The following GRID2 variants were observed in gnomAD, a reference collection of about 807,000 sequenced individuals.
GRID2 encodes the protein glutamate receptor ionotropic, delta-2.
A neutral mutation model predicts 114.8 loss-of-function variants in GRID2; 33 were observed. The observed-to-expected ratio is 0.29, with a 90% CI of 0.22 to 0.38. The LOEUF is 0.38. Ranked by LOEUF, GRID2 falls within the 10% of genes least tolerant of loss-of-function variation. GRID2 has a pLI of 1.00. For missense variants in GRID2, 1,184 were observed against 1,257.7 expected, an observed-to-expected ratio of 0.94 and a Z score of 0.89; for synonymous variants, 505 against 449.9, an observed-to-expected ratio of 1.12 and a Z score of -1.55.
At chr4:92,942,206 G>A (rs1400490815) in intron 2 of GRID2, among the ~76,000 whole-genome samples, 1 of 152,152 alleles carries the variant, frequency 6.6e-6, no homozygotes, top group East Asian at 1.9e-4. Flanking sequence ...TGGAGTCTAA[G>A]TCTCTTTGTA....
At chr4:92,781,660 TG>T (rs1739083708) in intron 2 of GRID2, among the ~76,000 whole-genome samples, 1 of 152,090 alleles carries the variant, frequency 6.6e-6, no homozygotes. Context: ...TATTTATTAC[TG>T]GGATTTTGTT....
chr4:93,459,159 G>C (rs1380592908), intron 11 of GRID2, among the ~76,000 whole-genome samples: 1 of 94,736 alleles, frequency 1.1e-5, no homozygotes, highest in Middle Eastern at 0.011. Context: ...CAGCCGGGAT[G>C]ACAAGAGTGA....
intron 2 of GRID2, among the ~76,000 whole-genome samples, chr4:93,019,832 C>T (rs1723111085): frequency 6.6e-6 from 1 of 152,118 alleles, no homozygotes; most frequent in South Asian, 2.1e-4. Flanking sequence ...ATTGTATGAT[C>T]GTATCAAAGT....
At chr4:93,231,827 C>G (rs1286628636) in intron 7 of GRID2, among the ~76,000 whole-genome samples, 1 of 152,152 alleles carries the variant, frequency 6.6e-6, no homozygotes. Flanking sequence ...CAAGTGCTCT[C>G]TCAGTAGCAC....
intron 2 of GRID2, among the ~76,000 whole-genome samples, chr4:92,927,625 ACTAT>A (rs766607236): frequency 6.6e-6 from 1 of 151,826 alleles, no homozygotes; most frequent in Non-Finnish European, 1.5e-5. Flanking sequence ...AGTGAGAATC[ACTAT>A]CTATATCTTC....
intron 2 of GRID2, among the ~76,000 whole-genome samples, chr4:92,674,841 T>TG (rs377674497): frequency 1.2e-4 from 18 of 152,342 alleles, no homozygotes; most frequent in African/African-American, 4.3e-4. Flanking sequence ...TGTTTATTTT[T>TG]TATTGTAAAT....
chr4:93,799,046 C>T (rs1053904404), intron 1 of GRID2, among the ~76,000 whole-genome samples: 1 of 152,188 alleles, frequency 6.6e-6, no homozygotes, highest in Non-Finnish European at 1.5e-5. Context: ...CACTGCTTAG[C>T]GGTCTGATCT....
chr4:93,013,319 T>G (rs751129668), intron 2 of GRID2, among the ~76,000 whole-genome samples: 15 of 152,020 alleles, frequency 9.9e-5, no homozygotes, highest in Non-Finnish European at 1.6e-4. Context: ...TCTGTATTTA[T>G]TGAGGATAAC....
chr4:93,560,222 TAAAAAAAAAAAAAAAA>T (rs70942974), intron 13 of GRID2, among the ~76,000 whole-genome samples: 10 of 42,954 alleles, frequency 2.3e-4, no homozygotes, highest in East Asian at 1.5e-3. Context: ...GAACTTAAAG[TAAAAAAAAAAAAAAAA>T]AAAAAAAAAA....
chr4:92,368,444 A>G (rs1012739183), intron 1 of GRID2, among the ~76,000 whole-genome samples: 1 of 152,132 alleles, frequency 6.6e-6, no homozygotes, highest in East Asian at 1.9e-4. Flanking sequence ...TGTAATATTG[A>G]CAATTAATGG....
In GRID2 at chr4:93,245,153, A is replaced by G. The variant is rs191232056; in HGVS notation, c.1245+6663A>G. 1.2e-3 allele frequency among the ~76,000 whole-genome samples: 178 copies of G among 152,188 alleles called. 3 individuals carry two copies. Among genetic ancestry groups the G allele is most frequent in the African/African-American group, 4.3e-3 (177 of 41,560 alleles). ...TTTCCCATTACAATGTTACTTCATGAGACAAGAACTATGTTTGTTTTCTGT... is the reference window on the plus strand; with the variant it reads ...TTTCCCATTACAATGTTACTTCATGGGACAAGAACTATGTTTGTTTTCTGT... On this transcript the variant is annotated intron_variant, in intron 8 of 15. Transcript: ENST00000282020.
chr4:92,597,896 T>C (rs540040700), intron 2 of GRID2, among the ~76,000 whole-genome samples: 19 of 152,302 alleles, frequency 1.2e-4, no homozygotes, highest in Non-Finnish European at 2.6e-4. Flanking sequence ...GACAAACCAA[T>C]GATGACTTCA....
At chr4:92,700,910 C>T (rs1734642629) in intron 2 of GRID2, among the ~76,000 whole-genome samples, 2 of 149,918 alleles carry the variant, frequency 1.3e-5, no homozygotes, top group Admixed American at 6.7e-5. Flanking sequence ...AGGAGAATGG[C>T]GTGAACCCGG....
At chr4:93,551,272 A>T (rs1035692039) in intron 13 of GRID2, among the ~76,000 whole-genome samples, 5 of 152,198 alleles carry the variant, frequency 3.3e-5, no homozygotes, top group Admixed American at 2.6e-4. Context: ...ATAGAAGGAG[A>T]CAGGAAGTGC....
At chr4:92,306,915 A>C (rs1255046017) in intron 1 of GRID2, among the ~76,000 whole-genome samples, 2 of 152,198 alleles carry the variant, frequency 1.3e-5, no homozygotes, top group Non-Finnish European at 2.9e-5. Context: ...TAATTAGTAC[A>C]TTAGATGAGA....
At chr4:92,735,639 T>C (rs1188639930) in intron 2 of GRID2, among the ~76,000 whole-genome samples, 1 of 152,170 alleles carries the variant, frequency 6.6e-6, no homozygotes, top group African/African-American at 2.4e-5. Context: ...AAATTTATAT[T>C]GTTTCCAGCT....
intron 3 of GRID2, among the ~76,000 whole-genome samples, chr4:93,106,514 T>C (rs1390993395): frequency 6.6e-6 from 1 of 152,036 alleles, no homozygotes; most frequent in Admixed American, 6.5e-5. Context: ...ACCCAGCTAA[T>C]TTTTTGTATT....
chr4:92,377,176 C>T (rs1222917072), intron 1 of GRID2, among the ~76,000 whole-genome samples: 3 of 152,178 alleles, frequency 2.0e-5, no homozygotes, highest in African/African-American at 4.8e-5. Context: ...ATGTCCTTAA[C>T]AGCACCCAAG....
chr4:92,331,133 T>A (rs1239895749), intron 1 of GRID2, among the ~76,000 whole-genome samples: 1 of 152,212 alleles, frequency 6.6e-6, no homozygotes, highest in Admixed American at 6.6e-5. Context: ...GCAGTTTGAA[T>A]CATTATTGCC....
Sources: gnomAD v4.1 joint callset for allele counts (sites outside exome capture counted in the v4.1 genomes callset) on GRCh38, gnomAD v4.1.1 for gene constraint, MANE v1.5 for transcripts, NCBI Gene and HGNC (gene_info 2026-07-23, HGNC 2026-07-21) for gene names.